Variants in COBL observed in about 807,000 individuals in gnomAD.
The protein encoded by COBL is protein cordon-bleu.
Under a neutral mutation model 98.8 loss-of-function variants are expected in COBL, and 51 were observed. The ratio of observed to expected loss-of-function variants is 0.52; its 90% CI spans 0.41 to 0.65. The LOEUF is 0.65. COBL is among the 30% of genes least tolerant of loss of function. The pLI is 0.00. For missense variants in COBL, 1,617 were observed against 1,617.5 expected (o/e 1.00, Z 0.01); for synonymous variants, 634 against 651.7 (o/e 0.97, Z 0.41).
At chr7:51,110,701 C>T (rs1030959439) in intron 6 of COBL, among the ~76,000 whole-genome samples, 1 of 152,172 alleles carries the variant, frequency 6.6e-6, no homozygotes, top group African/African-American at 2.4e-5. Context: ...CCACTCTTGC[C>T]CACAAGTCCC....
At chr7:51,212,647 C>A (rs1165824400) in intron 2 of COBL, among the ~76,000 whole-genome samples, 1 of 152,202 alleles carries the variant, frequency 6.6e-6, no homozygotes, top group African/African-American at 2.4e-5. Flanking sequence ...TTCATGCCAC[C>A]CCACCAGTGA....
chr7:51,312,895 G>T (rs1044410364), intron 1 of COBL, among the ~76,000 whole-genome samples: 6 of 151,998 alleles, frequency 3.9e-5, no homozygotes, highest in African/African-American at 1.2e-4. Context: ...GAACCACTGA[G>T]AAATAATAAA....
At chr7:51,161,035 A>C (rs567603909) in intron 5 of COBL, among the ~76,000 whole-genome samples, 1 of 152,312 alleles carries the variant, frequency 6.6e-6, no homozygotes, top group African/African-American at 2.4e-5. Context: ...TTTTAAAAAT[A>C]TCTCTACACA....
At chr7:51,188,739 G>A (rs953481695) in intron 4 of COBL, among the ~76,000 whole-genome samples, 29 of 152,324 alleles carry the variant, frequency 1.9e-4, no homozygotes, top group African/African-American at 6.3e-4. Flanking sequence ...TGTCCCATAT[G>A]AGGATCAGAA....
chr7:51,315,040 A>G (rs1306378026), intron 1 of COBL, among the ~76,000 whole-genome samples: 2 of 152,124 alleles, frequency 1.3e-5, no homozygotes, highest in Admixed American at 6.5e-5. Context: ...CTCTGTCTTC[A>G]TATTTATTTA....
intron 1 of COBL, among the ~76,000 whole-genome samples, chr7:51,278,517 A>ATTAC (rs1799520367): frequency 6.6e-6 from 1 of 151,074 alleles, no homozygotes; most frequent in African/African-American, 2.4e-5. Flanking sequence ...AGTAGCTGGG[A>ATTAC]TTACAGGCGT....
At chr7:51,055,098 G>A (rs1443732555) in intron 7 of COBL, among the ~76,000 whole-genome samples, 1 of 152,150 alleles carries the variant, frequency 6.6e-6, no homozygotes, top group Non-Finnish European at 1.5e-5. Context: ...GCTACTGCAC[G>A]CATCCCCAGC....
chr7:51,172,425 C>A (rs913782026), intron 5 of COBL: 1 of 1,255,208 alleles, frequency 8.0e-7, no homozygotes, highest in Non-Finnish European at 1.0e-6. Flanking sequence ...AAGCAATTAG[C>A]GGAAGCACCT....
chr7:51,123,057 A>G (rs961085349), intron 6 of COBL, among the ~76,000 whole-genome samples: 1 of 152,204 alleles, frequency 6.6e-6, no homozygotes, highest in African/African-American at 2.4e-5. Context: ...GTTAGGCCTG[A>G]AAGAATCCTA....
chr7:51,114,692 C>T (rs1470542861), intron 6 of COBL, among the ~76,000 whole-genome samples: 1 of 152,166 alleles, frequency 6.6e-6, no homozygotes, highest in East Asian at 1.9e-4. Flanking sequence ...GTCACAAGGC[C>T]AGTTCCTCCT....
At chr7:51,273,196 G>A (rs2129166827) in intron 1 of COBL, among the ~76,000 whole-genome samples, 1 of 152,070 alleles carries the variant, frequency 6.6e-6, no homozygotes, top group African/African-American at 2.4e-5. Context: ...GGGCATGGTG[G>A]CACATGCCTG....
chr7:51,311,887 G>GAAATACC (rs1335671089), intron 1 of COBL, among the ~76,000 whole-genome samples: 1 of 151,544 alleles, frequency 6.6e-6, no homozygotes, highest in Non-Finnish European at 1.5e-5. Flanking sequence ...AGTGGGTCAT[G>GAAATACC]AAATACCAAC....
At chr7:51,067,721 T>C (rs965031183) in intron 7 of COBL, among the ~76,000 whole-genome samples, 2 of 152,220 alleles carry the variant, frequency 1.3e-5, no homozygotes, top group Non-Finnish European at 1.5e-5. Flanking sequence ...AATCCTATAA[T>C]TACAGTCACT....
intron 7 of COBL, among the ~76,000 whole-genome samples, chr7:51,049,878 T>C (rs1790076681): frequency 6.6e-6 from 1 of 152,168 alleles, no homozygotes; most frequent in African/African-American, 2.4e-5. Context: ...CCACCAGCAT[T>C]ATATAGATTC....
At chr7:51,194,802 T>C (rs2129059675) in intron 2 of COBL, among the ~76,000 whole-genome samples, 1 of 152,098 alleles carries the variant, frequency 6.6e-6, no homozygotes, top group East Asian at 1.9e-4. Context: ...ACTTTTTCTT[T>C]TTTATTATTA....
intron 1 of COBL, among the ~76,000 whole-genome samples, chr7:51,275,401 T>C (rs1417169802): frequency 1.3e-5 from 2 of 152,204 alleles, no homozygotes; most frequent in Non-Finnish European, 2.9e-5. Context: ...GTACTCCCTT[T>C]TTACAACGAG....
intron 5 of COBL, among the ~76,000 whole-genome samples, chr7:51,152,081 G>A (rs752903689): frequency 6.6e-6 from 1 of 152,120 alleles, no homozygotes; most frequent in Admixed American, 6.5e-5. Flanking sequence ...ATTCCATAAC[G>A]ATGCCTTAAA....
At chr7:51,178,278 T>C (rs1173435678) in intron 5 of COBL, among the ~76,000 whole-genome samples, 3 of 152,108 alleles carry the variant, frequency 2.0e-5, no homozygotes, top group Admixed American at 6.5e-5. Context: ...TTTAAATTAA[T>C]GAAATACAAA....
chr7:51,246,034 G>A (rs771710719), intron 1 of COBL, among the ~76,000 whole-genome samples: 3 of 151,768 alleles, frequency 2.0e-5, no homozygotes, highest in Non-Finnish European at 4.4e-5. Flanking sequence ...TATACCATGT[G>A]GTATGTATGT....
Sources: gnomAD v4.1 joint callset for allele counts (sites outside exome capture counted in the v4.1 genomes callset) on GRCh38, gnomAD v4.1.1 for gene constraint, MANE v1.5 for transcripts, NCBI Gene and HGNC (gene_info 2026-07-23, HGNC 2026-07-21) for gene names.